The following PARK7 variants were observed in gnomAD, a reference collection of about 807,000 sequenced individuals.
The protein encoded by PARK7 is Parkinsonism associated deglycase, also known as Parkinson disease protein 7.
PARK7 carries 14 observed loss-of-function variants against 20.5 expected under a neutral mutation model. The ratio of observed to expected loss-of-function variants is 0.68; its 90% CI spans 0.45 to 1.07. PARK7 has a LOEUF of 1.07. Ranked by LOEUF, PARK7 falls within the 50% of genes least tolerant of loss-of-function variation. The pLI, the probability that PARK7 is intolerant of heterozygous loss-of-function variation, is 0.00. For synonymous variants in PARK7, 98 were observed against 84.3 expected (o/e 1.16, Z -0.89); for missense variants, 234 against 238.1 (o/e 0.98, Z 0.11).
At chr1:7,979,247 G>A (rs1640660549) in intron 6 of PARK7, among the ~76,000 whole-genome samples, 1 of 152,100 alleles carries the variant, frequency 6.6e-6, no homozygotes, top group African/African-American at 2.4e-5. Flanking sequence ...CTAAACTTTA[G>A]TTTTTTAGAG....
chr1:7,970,779 T>C, intron 4 of PARK7, 115 bp from the exon 5 acceptor site: 3 of 920,856 alleles, frequency 3.3e-6, no homozygotes, highest in Non-Finnish European at 5.2e-6. Context: ...TGTTGGAAAA[T>C]AGGTCAGAGA....
At chr1:7,964,250 T>C (rs529748028) in intron 2 of PARK7, among the ~76,000 whole-genome samples, 2 of 152,348 alleles carry the variant, frequency 1.3e-5, no homozygotes, top group East Asian at 3.9e-4. Flanking sequence ...TAAGTGCCGA[T>C]AAACCTTACA....
chr1:7,964,276 A>G lies in PARK7; in HGVS notation c.91-1048A>G, dbSNP rs192959848. Among the ~76,000 whole-genome samples the G allele has an allele frequency of 1.8e-3, 272 of 152,342 alleles. 2 individuals are homozygous for G. Among genetic ancestry groups the G allele is most frequent in the African/African-American group, 6.2e-3 (258 of 41,568 alleles). ...AAACCTTACAACAATGTCGTGAGTT[A>G]GATATCACCATCCTCATTTTACAGT... On this transcript the variant is annotated intron_variant, in intron 2 of 6. Coordinates refer to ENST00000338639, the MANE Select transcript of PARK7 (RefSeq NM_007262.5).
In PARK7 at chr1:7,970,858, G is replaced by A. The variant is rs1395602234; in HGVS notation, c.253-36G>A. ...GTGAGTGATTGGTTAGTGGCTTAAT[G>A]ATAACTTTATGTATTTTTGGTTTTC... is the stretch of plus-strand genomic sequence containing the variant. On this transcript the variant is annotated intron_variant, in intron 4 of 6. Coordinates refer to ENST00000338639, the MANE Select transcript of PARK7 (RefSeq NM_007262.5). 4 of 1,609,662 alleles carry A rather than the reference G, an allele frequency of 2.5e-6. No homozygotes were observed. The East Asian group carries it at 8.9e-5, about 36-fold the overall frequency.
chr1:7,963,254 G>A (rs765811953), intron 2 of PARK7, among the ~76,000 whole-genome samples: 2 of 152,136 alleles, frequency 1.3e-5, no homozygotes, highest in Non-Finnish European at 2.9e-5. Context: ...TGTAGAGACA[G>A]GGTTTTGCCA....
At chr1:7,975,438 G>C (rs553699712) in intron 5 of PARK7, among the ~76,000 whole-genome samples, 2 of 152,292 alleles carry the variant, frequency 1.3e-5, no homozygotes, top group South Asian at 4.1e-4. Context: ...TGGTCATTTT[G>C]CATGTTACCA....
rs755957845 is a variant in PARK7, at chr1:7,985,064, C to G, written c.*10C>G. On this transcript the variant is annotated 3_prime_UTR_variant, in exon 7 of 7. Transcript: ENST00000338639. ...TGTTCTTAAAGACTAGAGCAGCGAACTGCGACGATCACTTAGAGAAACAGG... is the reference window on the plus strand; with the variant it reads ...TGTTCTTAAAGACTAGAGCAGCGAAGTGCGACGATCACTTAGAGAAACAGG... 1.9e-6 allele frequency: 3 copies of G among 1,613,458 alleles called. No homozygotes were observed. The South Asian group carries it at 3.3e-5, about 18-fold the overall frequency.
At position 7,973,346 on chromosome 1, in the gene PARK7, C is replaced by T. The variant is rs1640503384; in HGVS notation, c.322+2383C>T. On this transcript the variant is annotated intron_variant, in intron 5 of 6. Transcript: ENST00000338639. ...GTCACAGATCCTTGAGTTTGGTTTTCTTTGGCTCTGCTGCTGTGAAGCAAG... is the reference window on the plus strand; with the variant it reads ...GTCACAGATCCTTGAGTTTGGTTTTTTTTGGCTCTGCTGCTGTGAAGCAAG... 2.6e-5 allele frequency among the ~76,000 whole-genome samples: 4 copies of T among 152,340 alleles called. No individual in the cohort carries two copies. The South Asian group carries it at 8.3e-4, about 32-fold the overall frequency.
At chr1:7,971,305 A>G in intron 5 of PARK7, 1 of 379,600 alleles carries the variant, frequency 2.6e-6, no homozygotes, top group South Asian at 2.2e-5. Context: ...AATCAGCAAA[A>G]TCCATCAAAC....
intron 3 of PARK7, among the ~76,000 whole-genome samples, chr1:7,967,540 A>G (rs1025273469): frequency 3.3e-5 from 5 of 152,154 alleles, no homozygotes; most frequent in Admixed American, 2.0e-4. Flanking sequence ...AAAAGGAGTA[A>G]AATAAATTCT....
In PARK7 at chr1:7,971,196, G is replaced by C. The variant is rs892255635; in HGVS notation, c.322+233G>C. On this transcript the variant is annotated intron_variant, in intron 5 of 6. Transcript: ENST00000338639. Reference sequence around the variant, plus strand: ...CATGCTGTGAAACTTAGTGTTTTCCGTGTTTGGTTGACCTCGGAGGAAAAT... The same window carrying C: ...CATGCTGTGAAACTTAGTGTTTTCCCTGTTTGGTTGACCTCGGAGGAAAAT... The C allele has an allele frequency of 5.2e-6, 3 of 574,730 alleles. No homozygotes were observed. In the Admixed American group the frequency reaches 8.5e-5, roughly 16 times the overall value. 35.6% of individuals were successfully genotyped at this position (574,730 alleles called of 1,614,324 possible). A position where few individuals can be genotyped will look rare whatever the true frequency, so the allele number is the denominator to read the frequency against.
At chr1:7,973,574 C>G (rs34472269) in intron 5 of PARK7, among the ~76,000 whole-genome samples, 1 of 151,972 alleles carries the variant, frequency 6.6e-6, no homozygotes, top group Admixed American at 6.6e-5. Flanking sequence ...ATTAGCCAGG[C>G]GTGGTGGCGC....
At chr1:7,971,153 C>G in intron 5 of PARK7, 190 bp downstream of exon 5, 3 of 683,212 alleles carry the variant, frequency 4.4e-6, no homozygotes, top group Non-Finnish European at 2.6e-6. Context: ...TTTTCTGCCT[C>G]TCCATGCCTT....
Position 7,969,327 on chromosome 1 carries a change from T to C in PARK7, c.193-18T>C. The C allele has an allele frequency of 6.2e-7, 1 of 1,600,630 alleles. No individual in the cohort carries two copies. The highest frequency in any genetic ancestry group is 1.7e-5 in the Admixed American group (1 of 58,194). On this transcript the variant is annotated intron_variant, in intron 3 of 6. Coordinates refer to ENST00000338639, the MANE Select transcript of PARK7 (RefSeq NM_007262.5). Reference sequence around the variant, plus strand: ...AAATGAAATGTTTTTGTTTTCTTTATGTTTTAAACTGTTACAGGGACCATA... The same window carrying C: ...AAATGAAATGTTTTTGTTTTCTTTACGTTTTAAACTGTTACAGGGACCATA...
chr1:7,966,791 G>A (rs752248125), intron 3 of PARK7, among the ~76,000 whole-genome samples: 40 of 152,044 alleles, frequency 2.6e-4, no homozygotes, highest in Non-Finnish European at 4.6e-4. Flanking sequence ...TAAAACAGTG[G>A]TTACCTTTAT....
intron 6 of PARK7, among the ~76,000 whole-genome samples, chr1:7,981,965 CTTTTTT>C (rs71567337): frequency 3.6e-5 from 3 of 84,376 alleles, no homozygotes; most frequent in African/African-American, 1.1e-4. Context: ...GCCCCCCCGC[CTTTTTT>C]TTTTTTTTTT....
intron 6 of PARK7, among the ~76,000 whole-genome samples, chr1:7,981,598 C>T (rs1317919411): frequency 1.3e-5 from 2 of 152,098 alleles, no homozygotes; most frequent in African/African-American, 4.8e-5. Context: ...TTTGCAAAAA[C>T]AGGCAGCAAC....
chr1:7,963,979 C>T (rs1303973498), intron 2 of PARK7, among the ~76,000 whole-genome samples: 4 of 151,956 alleles, frequency 2.6e-5, no homozygotes, highest in Admixed American at 2.6e-4. Context: ...CCATGCCTGG[C>T]TAATTTTTTG....
intron 6 of PARK7, among the ~76,000 whole-genome samples, chr1:7,982,601 A>C (rs1215727597): frequency 6.6e-6 from 1 of 152,206 alleles, no homozygotes; most frequent in East Asian, 1.9e-4. Flanking sequence ...TGTTTTAGCC[A>C]CAAAGATACT....
Sources: gnomAD v4.1 joint callset for allele counts (sites outside exome capture counted in the v4.1 genomes callset) on GRCh38, gnomAD v4.1.1 for gene constraint, MANE v1.5 for transcripts, NCBI Gene and HGNC (gene_info 2026-07-23, HGNC 2026-07-21) for gene names.